Variants in EHMT1 observed in about 807,000 individuals in gnomAD.
The protein encoded by EHMT1 is euchromatic histone lysine methyltransferase 1.
EHMT1 carries 15 observed loss-of-function variants against 147.2 expected under a neutral mutation model. The observed-to-expected ratio is 0.10, with a 90% CI of 0.07 to 0.16. The LOEUF is 0.16. Among genes scored for constraint, EHMT1 ranks in the 10% least tolerant of loss-of-function variants. The probability of loss-of-function intolerance (pLI) is 1.00; values close to 1 mark genes in which losing one functional copy is unlikely to be tolerated. For synonymous variants in EHMT1, 795 were observed against 709.6 expected (o/e 1.12, Z -1.91); for missense variants, 1,587 against 1,772.4 (o/e 0.90, Z 1.88).
rs577609487 is a variant in EHMT1 at position 137,634,617 on chromosome 9, T to C, written c.21+15568T>C. 1.5e-4 allele frequency among the ~76,000 whole-genome samples: 21 copies of C among 143,484 alleles called. No homozygotes were observed. The East Asian group carries it at 3.7e-3, about 25-fold the overall frequency. 94.1% of individuals were successfully genotyped at this position (143,484 alleles called of 152,430 possible). A position where few individuals can be genotyped will look rare whatever the true frequency, so the allele number is the denominator to read the frequency against. ...GTCCCTTGCATTTTCTTTCATTTCTTTTCTTTTCTTTTCTTTTCTTTTTTT... is the reference window on the plus strand; with the variant it reads ...GTCCCTTGCATTTTCTTTCATTTCTCTTCTTTTCTTTTCTTTTCTTTTTTT... On this transcript the variant is annotated intron_variant, in intron 1 of 26. Coordinates refer to ENST00000460843, the MANE Select transcript of EHMT1 (RefSeq NM_024757.5).
chr9:137,757,300 C>T (rs145278753), intron 8 of EHMT1, among the ~76,000 whole-genome samples: 2 of 152,350 alleles, frequency 1.3e-5, no homozygotes, highest in Non-Finnish European at 2.9e-5. Flanking sequence ...TCCCTGGCAC[C>T]TTCTGTGGGT....
chr9:137,723,636 G>C, intron 3 of EHMT1, among the ~76,000 whole-genome samples: 1 of 151,902 alleles, frequency 6.6e-6, no homozygotes, highest in East Asian at 1.9e-4. Flanking sequence ...GGGTGTGCCC[G>C]TGTCTGTCTG....
intron 4 of EHMT1, among the ~76,000 whole-genome samples, chr9:137,736,633 G>A (rs755310284): frequency 5.9e-5 from 9 of 152,262 alleles, no homozygotes; most frequent in Non-Finnish European, 1.2e-4. Context: ...GCGCACGCCT[G>A]TAATCCCAGT....
chr9:137,811,622 G>A lies in EHMT1; in HGVS notation c.2867+7G>A. The A allele has an allele frequency of 6.2e-7, 1 of 1,600,274 alleles. No homozygotes were observed. The highest frequency in any genetic ancestry group is 8.5e-7 in the Non-Finnish European group (1 of 1,179,928). Reference sequence around the variant, plus strand: ...ACCGCTACGACTGTGTCGTGTGAGTGCAGTGCTTCCCCCAGCGCGGGCTGG... The same window carrying A: ...ACCGCTACGACTGTGTCGTGTGAGTACAGTGCTTCCCCCAGCGCGGGCTGG... On this transcript the variant is annotated splice_region_variant and intron_variant, in intron 19 of 26. Coordinates refer to ENST00000460843, the MANE Select transcript of EHMT1 (RefSeq NM_024757.5).
At chr9:137,785,688 A>G (rs927187807) in intron 15 of EHMT1, 1 of 152,236 alleles carries the variant, frequency 6.6e-6, no homozygotes, top group Non-Finnish European at 1.5e-5. Context: ...TTAAAACCCA[A>G]AAACATATGG....
chr9:137,679,024 G>GCTCACTGTAATCTCCGC (rs1306486881), intron 1 of EHMT1, among the ~76,000 whole-genome samples: 4 of 152,068 alleles, frequency 2.6e-5, no homozygotes, highest in Non-Finnish European at 5.9e-5. Flanking sequence ...CGCGATCTCC[G>GCTCACTGTAATCTCCGC]CTCACTGTAA....
chr9:137,834,362 A>G lies in EHMT1; in HGVS notation c.3554A>G (p.Tyr1185Cys). The G allele has an allele frequency of 6.2e-7, 1 of 1,613,066 alleles. No individual in the cohort carries two copies. Among genetic ancestry groups the G allele is most frequent in the Non-Finnish European group, 8.5e-7 (1 of 1,179,776 alleles). Residue 1185 changes from tyrosine to cysteine, a missense_variant, in exon 26 of 27, where the codon TAC (tyrosine) becomes TGC (cysteine). Tyr to Cys is a radical substitution (Grantham distance 194). Around this residue, in one of 7 missense-constraint regions of EHMT1, gnomAD observed 156 missense variants for 252.5 expected, o/e 0.62. Transcript: ENST00000460843. ...CTCGCCCTGCAGGACGGGGAGGTTT[A>G]CTGCATCGACGCGCGGTTCTACGGG... is the stretch of plus-strand genomic sequence containing the variant. ...FDLDNKDGEV[Y>C]CIDARFYGNV...
chr9:137,815,083 G>A (rs1040466323), intron 22 of EHMT1, among the ~76,000 whole-genome samples: 8 of 152,028 alleles, frequency 5.3e-5, no homozygotes, highest in Non-Finnish European at 8.8e-5. Context: ...CTGGTCTCCC[G>A]AGTTCAGAGG....
At chr9:137,675,116 G>C (rs1375073256) in intron 1 of EHMT1, 1 of 152,248 alleles carries the variant, frequency 6.6e-6, no homozygotes, top group Non-Finnish European at 1.5e-5. Flanking sequence ...CGCACGCCTG[G>C]CCTAGATTGC....
intron 18 of EHMT1, among the ~76,000 whole-genome samples, chr9:137,809,281 C>T (rs1037814889): frequency 2.6e-5 from 4 of 152,166 alleles, no homozygotes; most frequent in African/African-American, 7.2e-5. Flanking sequence ...GAAGGGTTGA[C>T]GGTGCTGCAC....
intron 1 of EHMT1, among the ~76,000 whole-genome samples, chr9:137,660,601 C>T (rs370404540): frequency 1.3e-5 from 2 of 152,228 alleles, no homozygotes; most frequent in South Asian, 2.1e-4. Context: ...CAATCCTGTT[C>T]GGATATTAAT....
At chr9:137,671,523 T>TTC (rs1940638176) in intron 1 of EHMT1, among the ~76,000 whole-genome samples, 1 of 143,706 alleles carries the variant, frequency 7.0e-6, no homozygotes, top group African/African-American at 2.6e-5. Context: ...TTTCTTTCTT[T>TTC]TTTTTTTTTT....
At chr9:137,680,329 C>G (rs1179706843) in intron 1 of EHMT1, among the ~76,000 whole-genome samples, 1 of 152,058 alleles carries the variant, frequency 6.6e-6, no homozygotes, top group East Asian at 1.9e-4. Context: ...CAAATTTAGC[C>G]AGGTGTGGTG....
At chr9:137,702,797 C>T (rs1240503373) in intron 1 of EHMT1, among the ~76,000 whole-genome samples, 1 of 152,248 alleles carries the variant, frequency 6.6e-6, no homozygotes. Flanking sequence ...GGGGCTTCGC[C>T]CCTGCAGGAA....
At chr9:137,741,488 T>C (rs1174039878) in intron 4 of EHMT1, among the ~76,000 whole-genome samples, 7 of 152,188 alleles carry the variant, frequency 4.6e-5, no homozygotes, top group Non-Finnish European at 8.8e-5. Flanking sequence ...AGACAGTATG[T>C]AGACAGTGGG....
intron 1 of EHMT1, among the ~76,000 whole-genome samples, chr9:137,649,326 G>C (rs945708684): frequency 1.3e-5 from 2 of 152,154 alleles, no homozygotes; most frequent in South Asian, 2.1e-4. Flanking sequence ...CGGATGTGGT[G>C]ACGGGTGCCT....
At chr9:137,822,270 G>A (rs896683238) in intron 25 of EHMT1, among the ~76,000 whole-genome samples, 3 of 152,230 alleles carry the variant, frequency 2.0e-5, no homozygotes, top group Non-Finnish European at 4.4e-5. Flanking sequence ...GCTGGTTTAT[G>A]CCTGCTTGCC....
chr9:137,743,577 T>C (rs1370410424), intron 5 of EHMT1, 49 bp downstream of exon 5: 1 of 1,613,036 alleles, frequency 6.2e-7, no homozygotes, highest in Non-Finnish European at 8.5e-7. Flanking sequence ...GAAATGCGTT[T>C]CTGTGTTCAG....
intron 14 of EHMT1, among the ~76,000 whole-genome samples, chr9:137,781,292 T>C (rs1441780594): frequency 8.1e-6 from 1 of 123,996 alleles, no homozygotes; most frequent in East Asian, 2.2e-4. Flanking sequence ...CGCTGAGATG[T>C]GTGGTGATGA....
Sources: gnomAD v4.1 joint callset for allele counts (sites outside exome capture counted in the v4.1 genomes callset) on GRCh38, gnomAD v4.1.1 for gene constraint, gnomAD v4.1.1 regional missense constraint, MANE v1.5 for transcripts, NCBI Gene and HGNC (gene_info 2026-07-23, HGNC 2026-07-21) for gene names.